TECPR2: variants seen among roughly 807,000 people sequenced by gnomAD.
TECPR2 encodes tectonin beta-propeller repeat-containing protein 2.
Under a neutral mutation model 138.1 loss-of-function variants are expected in TECPR2, and 65 were observed. The ratio of observed to expected loss-of-function variants is 0.47; its 90% CI spans 0.39 to 0.58. The LOEUF (loss-of-function observed/expected upper bound fraction) is 0.58. TECPR2 is among the 20% of genes least tolerant of loss of function. The pLI, the probability that TECPR2 is intolerant of heterozygous loss-of-function variation, is 0.00. For synonymous variants in TECPR2, 746 were observed against 749.8 expected (o/e 0.99, Z 0.08); for missense variants, 1,553 against 1,824.5 (o/e 0.85, Z 2.71).
intron 17 of TECPR2, among the ~76,000 whole-genome samples, chr14:102,469,029 A>C (rs575543903): frequency 3.3e-4 from 50 of 152,358 alleles, no homozygotes; most frequent in Middle Eastern, 3.4e-3. Context: ...GAAATCAGGA[A>C]GTATGAATCC....
At chr14:102,385,843 G>A (rs981016531) in intron 2 of TECPR2, among the ~76,000 whole-genome samples, 1 of 151,890 alleles carries the variant, frequency 6.6e-6, no homozygotes, top group African/African-American at 2.4e-5. Context: ...GGCTCAGGTG[G>A]GAGGATCATT....
chr14:102,446,867 G>A (rs1205610976), intron 13 of TECPR2, among the ~76,000 whole-genome samples: 1 of 152,140 alleles, frequency 6.6e-6, no homozygotes, highest in Non-Finnish European at 1.5e-5. Flanking sequence ...AATAAACCCA[G>A]TGACATCCAT....
Position 102,385,119 on chromosome 14 carries a change from A to C in TECPR2, c.219+8179A>C, listed in dbSNP as rs567430480. The stretch of plus-strand genomic sequence containing the variant: ...TGATCCACATGCCTCACCCTCCCAA[A>C]GTGCTGGAATTACAGGCATGAGCCA... On this transcript the variant is annotated intron_variant, in intron 2 of 19. Transcript: ENST00000359520. Among the ~76,000 whole-genome samples the C allele has an allele frequency of 1.8e-4, 28 of 151,930 alleles. 2 individuals are homozygous for C. The South Asian group carries it at 5.8e-3, about 32-fold the overall frequency.
At chr14:102,387,978 T>C (rs1361181024) in intron 2 of TECPR2, among the ~76,000 whole-genome samples, 2 of 152,236 alleles carry the variant, frequency 1.3e-5, no homozygotes, top group African/African-American at 4.8e-5. Context: ...GAAACATGTC[T>C]TGGATATTTC....
chr14:102,465,604 CTATTT>C, intron 17 of TECPR2: 1 of 1,026,266 alleles, frequency 9.7e-7, no homozygotes, highest in Non-Finnish European at 1.2e-6. Flanking sequence ...ATTGGAACCT[CTATTT>C]TATAATAATA....
At chr14:102,449,274 C>T (rs1445481847) in intron 13 of TECPR2, among the ~76,000 whole-genome samples, 1 of 152,210 alleles carries the variant, frequency 6.6e-6, no homozygotes, top group Non-Finnish European at 1.5e-5. Flanking sequence ...CTTTCTCACT[C>T]TGATTAGAAT....
At chr14:102,485,276 C>T (rs912484237) in intron 17 of TECPR2, among the ~76,000 whole-genome samples, 4 of 152,216 alleles carry the variant, frequency 2.6e-5, no homozygotes, top group Non-Finnish European at 5.9e-5. Context: ...ACTATGCTGC[C>T]TGCAAATGAA....
intron 2 of TECPR2, among the ~76,000 whole-genome samples, chr14:102,380,242 C>G (rs1887765326): frequency 6.6e-6 from 1 of 152,230 alleles, no homozygotes; most frequent in Admixed American, 6.5e-5. Flanking sequence ...CAGAGGCGTC[C>G]TAGTCACACT....
intron 2 of TECPR2, among the ~76,000 whole-genome samples, chr14:102,399,768 T>C (rs1465433452): frequency 6.6e-6 from 1 of 151,176 alleles, no homozygotes; most frequent in Non-Finnish European, 1.5e-5. Flanking sequence ...GAGGTGGAGG[T>C]TGTAGCGAAC....
In TECPR2 at chr14:102,362,984, G is replaced by C. The variant is rs1887215500; in HGVS notation, c.-205G>C. On this transcript the variant is annotated 5_prime_UTR_variant, in exon 1 of 20. Transcript: ENST00000359520. ...CTAGCCCCCGGCGGAGCCAGCTGCT[G>C]CTCTTCGGTGCTGGCCCCGGTGCCG... The C allele has an allele frequency of 2.5e-6, 3 of 1,209,306 alleles. No individual in the cohort carries two copies. The South Asian group carries it at 4.0e-5, about 16-fold the overall frequency. 74.9% of individuals were successfully genotyped at this position (1,209,306 alleles called of 1,614,324 possible).
chr14:102,452,501 C>T lies in TECPR2; in HGVS notation c.3514C>T (p.Arg1172Cys), dbSNP rs762957508. The T allele has an allele frequency of 4.3e-6, 7 of 1,613,032 alleles. No homozygotes were observed. In the Admixed American group the frequency reaches 6.7e-5, roughly 15 times the overall value. The change falls in exon 16 of 20, where the codon CGC becomes TGC. Residue 1172 changes from arginine to cysteine, a missense_variant. Coordinates refer to ENST00000359520, the MANE Select transcript of TECPR2 (RefSeq NM_014844.5). ...TVQLPPEAEMRAYAACQDALW... is the reference protein window; with the variant it reads ...TVQLPPEAEMCAYAACQDALW... Reference sequence around the variant, plus strand: ...GCAGCTGCCTCCCGAAGCCGAGATGCGCGCCTATGCCGCCTGCCAGGATGC... The same window carrying T: ...GCAGCTGCCTCCCGAAGCCGAGATGTGCGCCTATGCCGCCTGCCAGGATGC...
At chr14:102,455,362 A>G (rs1890250823) in intron 16 of TECPR2, among the ~76,000 whole-genome samples, 1 of 152,030 alleles carries the variant, frequency 6.6e-6, no homozygotes, top group Admixed American at 6.6e-5. Context: ...AGGTGTGGGG[A>G]CTCATGGCAG....
chr14:102,379,174 G>A (rs1448415257), intron 2 of TECPR2, among the ~76,000 whole-genome samples: 2 of 152,180 alleles, frequency 1.3e-5, no homozygotes, highest in Non-Finnish European at 2.9e-5. Context: ...AGGCACCCTA[G>A]TCACACTGCT....
intron 1 of TECPR2, 64 bp downstream of exon 1, chr14:102,363,180 C>G (rs1228769089): frequency 6.4e-6 from 2 of 312,054 alleles, no homozygotes; most frequent in African/African-American, 2.2e-5. Context: ...TGGCCCCGAG[C>G]CCCTCCTCGG....
chr14:102,382,070 G>A (rs1000069711), intron 2 of TECPR2, among the ~76,000 whole-genome samples: 23 of 152,188 alleles, frequency 1.5e-4, no homozygotes, highest in Non-Finnish European at 3.2e-4. Context: ...GAGGCGGGTG[G>A]ATCACGAGGT....
At position 102,419,461 on chromosome 14, in the gene TECPR2, C is replaced by G. The variant is rs945431755; in HGVS notation, c.638+4668C>G. Among the ~76,000 whole-genome samples, 1 of 152,034 alleles carries G rather than the reference C, an allele frequency of 6.6e-6. No individual in the cohort carries two copies. Among genetic ancestry groups the G allele is most frequent in the Non-Finnish European group, 1.5e-5 (1 of 68,006 alleles). ...TGTGGCAGCACATTGGTGTGTGACG[C>G]GGGTGCCTGTGGAGGGAACACAGTG... On this transcript the variant is annotated intron_variant, in intron 5 of 19. Transcript: ENST00000359520. The surrounding 1 kb of genome is among the most constrained non-coding windows in gnomAD (Gnocchi z 4.8).
At position 102,363,038 on chromosome 14, in the gene TECPR2, G is replaced by T; in HGVS notation, c.-151G>T. 1 of 680,422 alleles carries T rather than the reference G, an allele frequency of 1.5e-6. No homozygotes were observed. Among genetic ancestry groups the T allele is most frequent in the Non-Finnish European group, 2.3e-6 (1 of 428,488 alleles). 42.1% of individuals were successfully genotyped at this position (680,422 alleles called of 1,614,324 possible). ...CCGTTGCCCAGGGAACAGGCTCCCG[G>T]CAGCCCCCGCGGCCCGGAGTCCATC... On this transcript the variant is annotated 5_prime_UTR_variant, in exon 1 of 20. Coordinates refer to ENST00000359520, the MANE Select transcript of TECPR2 (RefSeq NM_014844.5).
intron 3 of TECPR2, 78 bp downstream of exon 3, chr14:102,407,544 T>C (rs1888692482): frequency 6.6e-7 from 1 of 1,507,614 alleles, no homozygotes; most frequent in Non-Finnish European, 8.9e-7. Context: ...AATCCTCATC[T>C]GCTTAGAAAG....
rs749985958 is a variant in TECPR2 at position 102,438,003 on chromosome 14, C to T, written c.2395-19C>T. On this transcript the variant is annotated intron_variant, in intron 9 of 19. Transcript: ENST00000359520. ...GCTGTGTCCTCTGCCACAGAACTCACTGGCTCTTCCCTTGTTAGTTTGCAG... is the reference window on the plus strand; with the variant it reads ...GCTGTGTCCTCTGCCACAGAACTCATTGGCTCTTCCCTTGTTAGTTTGCAG... 18 of 1,610,768 alleles carry T rather than the reference C, an allele frequency of 1.1e-5. No homozygotes were observed. Among genetic ancestry groups the T allele is most frequent in the East Asian group, 4.5e-5 (2 of 44,854 alleles).
Sources: allele counts gnomAD v4.1 joint callset (sites outside exome capture counted in the v4.1 genomes callset), GRCh38; gene constraint gnomAD v4.1.1; non-coding constraint Gnocchi (gnomAD v3.1); transcripts MANE v1.5; gene names NCBI Gene and HGNC (gene_info 2026-07-23, HGNC 2026-07-21).